The following HMCN1 variants were observed in gnomAD, a reference collection of about 807,000 sequenced individuals.
The protein encoded by HMCN1 is hemicentin 1, also known as hemicentin-1.
In HMCN1, 321 loss-of-function variants were observed where a neutral mutation model predicts 625.9. The observed-to-expected ratio is 0.51, with a 90% CI of 0.47 to 0.56. The LOEUF (loss-of-function observed/expected upper bound fraction) is 0.56, where lower values mean the gene tolerates loss of function less well. Among genes scored for constraint, HMCN1 ranks in the 20% least tolerant of loss-of-function variants. HMCN1 has a pLI of 0.00. For synonymous variants in HMCN1, 2,425 were observed against 2,417.6 expected, an observed-to-expected ratio of 1.00 and a Z score of -0.09; for missense variants, 6,588 against 6,887.3, an observed-to-expected ratio of 0.96 and a Z score of 1.54.
chr1:185,986,404 TG>T (rs1290558064), intron 19 of HMCN1, among the ~76,000 whole-genome samples: 1 of 152,132 alleles, frequency 6.6e-6, no homozygotes, highest in Non-Finnish European at 1.5e-5. Context: ...TTCCAGAGGA[TG>T]GAAAGGAAAC....
chr1:186,011,770 T>A (rs1383945643), intron 30 of HMCN1, among the ~76,000 whole-genome samples: 2 of 152,198 alleles, frequency 1.3e-5, no homozygotes, highest in Admixed American at 1.3e-4. Flanking sequence ...AACAACACAA[T>A]GACTACCATG....
chr1:185,818,198 T>C (rs915801136), intron 1 of HMCN1, among the ~76,000 whole-genome samples: 10 of 152,186 alleles, frequency 6.6e-5, no homozygotes, highest in Admixed American at 3.3e-4. Flanking sequence ...AAATCAATCA[T>C]TCCAAGCCTC....
chr1:185,980,751 C>G (rs971966416), intron 16 of HMCN1, among the ~76,000 whole-genome samples: 5 of 152,170 alleles, frequency 3.3e-5, no homozygotes, highest in African/African-American at 1.2e-4. Flanking sequence ...AATCCTTCTC[C>G]AATTGCCTTT....
At chr1:185,784,495 C>T (rs183233340) in intron 1 of HMCN1, among the ~76,000 whole-genome samples, 61 of 152,170 alleles carry the variant, frequency 4.0e-4, no homozygotes, top group Middle Eastern at 3.4e-3. Flanking sequence ...ATCTTGGAAC[C>T]GCCCCCACTT....
intron 81 of HMCN1, 103 bp from the exon 82 acceptor site, chr1:186,125,501 C>A: frequency 3.5e-6 from 3 of 848,562 alleles, no homozygotes; most frequent in African/African-American, 3.4e-5. Flanking sequence ...GTATTTCTAG[C>A]AAAATTACCC....
chr1:186,147,656 C>T (rs1199177371), intron 93 of HMCN1, among the ~76,000 whole-genome samples: 1 of 152,130 alleles, frequency 6.6e-6, no homozygotes, highest in Non-Finnish European at 1.5e-5. Flanking sequence ...AATATTGCAA[C>T]AGAGCAAGGC....
chr1:186,050,994 G>T (rs547253000), intron 42 of HMCN1, among the ~76,000 whole-genome samples: 6 of 152,098 alleles, frequency 3.9e-5, no homozygotes, highest in Admixed American at 3.3e-4. Flanking sequence ...GGATGAATAG[G>T]CATTAACTCT....
At chr1:186,146,525 G>A (rs944184803) in intron 93 of HMCN1, among the ~76,000 whole-genome samples, 1 of 152,090 alleles carries the variant, frequency 6.6e-6, no homozygotes, top group Non-Finnish European at 1.5e-5. Context: ...AACAATAACG[G>A]TTTTATATTG....
chr1:185,888,916 C>T lies in HMCN1; in HGVS notation c.622-20421C>T, dbSNP rs542333565. Among the ~76,000 whole-genome samples, 260 of 147,648 alleles carry T rather than the reference C, an allele frequency of 1.8e-3. 33 individuals are homozygous for T. Among genetic ancestry groups the T allele is most frequent in the African/African-American group, 6.7e-3 (247 of 37,064 alleles). On this transcript the variant is annotated intron_variant, in intron 4 of 106. Coordinates refer to ENST00000271588, the MANE Select transcript of HMCN1 (RefSeq NM_031935.3). ...ACCTTAGGCAGTATGGCCATTTTCA[C>T]GATATTGATTCTTTCTACCCATGAG...
rs1571470342 is a variant in HMCN1 at position 186,178,342 on chromosome 1, T to A, written c.15944-74T>A. The A allele has an allele frequency of 1.7e-5, 18 of 1,080,222 alleles. No individual in the cohort carries two copies. The East Asian group carries it at 4.3e-4, about 26-fold the overall frequency. 66.9% of individuals were successfully genotyped at this position (1,080,222 alleles called of 1,614,324 possible). ...GTCTTCAGTTTGTTTCACAGACTCA[T>A]TCTTTATTCCTGTGTTTTGTGTGTG... On this transcript the variant is annotated intron_variant, in intron 103 of 106. Coordinates refer to ENST00000271588, the MANE Select transcript of HMCN1 (RefSeq NM_031935.3).
At chr1:186,011,032 T>TA (rs556793172) in intron 30 of HMCN1, among the ~76,000 whole-genome samples, 1 of 76 alleles carries the variant, frequency 0.013, no homozygotes, top group Non-Finnish European at 0.024. Context: ...CATCTGCTAC[T>TA]GGTTTTTTTT....
intron 69 of HMCN1, among the ~76,000 whole-genome samples, chr1:186,104,343 C>G (rs937567790): frequency 6.6e-6 from 1 of 152,134 alleles, no homozygotes; most frequent in African/African-American, 2.4e-5. Context: ...ACATGATGTG[C>G]TTAGACTGGT....
chr1:186,124,305 G>A (rs1258480763), intron 81 of HMCN1, among the ~76,000 whole-genome samples: 1 of 151,966 alleles, frequency 6.6e-6, no homozygotes, highest in Non-Finnish European at 1.5e-5. Context: ...GTATTTTTCT[G>A]TTTTCACATT....
At chr1:185,797,382 G>A (rs1183872922) in intron 1 of HMCN1, among the ~76,000 whole-genome samples, 2 of 152,184 alleles carry the variant, frequency 1.3e-5, no homozygotes, top group Admixed American at 1.3e-4. Context: ...TCAGATCAAT[G>A]TAACCTCAAA....
At position 186,144,387 on chromosome 1, in the gene HMCN1, C is replaced by T. The variant is rs576602691; in HGVS notation, c.14095+44C>T. On this transcript the variant is annotated intron_variant, in intron 90 of 106. Transcript: ENST00000271588. ...TTATACCTTAATAAATTAACATCTA[C>T]CTATCTTATCTAGGTAGTATGTCAA... The T allele has an allele frequency of 1.9e-6, 3 of 1,603,332 alleles. No homozygotes were observed. In the African/African-American group the frequency reaches 4.0e-5, roughly 21 times the overall value.
rs531189023 is a variant in HMCN1 at position 186,162,039 on chromosome 1, A to G, written c.15257-3072A>G. Reference sequence around the variant, plus strand: ...TTTCCAACTTGGTTCCCTTCTCCCCATCACTTTCAGGTACACCAATCAGAC... The same window carrying G: ...TTTCCAACTTGGTTCCCTTCTCCCCGTCACTTTCAGGTACACCAATCAGAC... On this transcript the variant is annotated intron_variant, in intron 97 of 106. Coordinates refer to ENST00000271588, the MANE Select transcript of HMCN1 (RefSeq NM_031935.3). Among the ~76,000 whole-genome samples, 8 of 152,278 alleles carry G rather than the reference A, an allele frequency of 5.3e-5. No individual in the cohort carries two copies. In the South Asian group the frequency reaches 1.0e-3, roughly 20 times the overall value.
intron 97 of HMCN1, among the ~76,000 whole-genome samples, chr1:186,156,108 AAAATC>A (rs1651001649): frequency 6.6e-6 from 1 of 152,144 alleles, no homozygotes; most frequent in Non-Finnish European, 1.5e-5. Context: ...TTATATCTTT[AAAATC>A]TAACTTATTT....
In HMCN1 at chr1:186,086,214, T is replaced by G. The variant is rs753356749; in HGVS notation, c.8885-32T>G. The G allele has an allele frequency of 3.2e-6, 5 of 1,578,218 alleles. No individual in the cohort carries two copies. In the East Asian group the frequency reaches 9.0e-5, roughly 28 times the overall value. ...AATGGGAATATATGTTGATAACACC[T>G]GCTTTCACTTTTAATATATTTACTA... On this transcript the variant is annotated intron_variant, in intron 57 of 106. Coordinates refer to ENST00000271588, the MANE Select transcript of HMCN1 (RefSeq NM_031935.3).
Position 185,823,272 on chromosome 1 carries a change from G to C in HMCN1, c.269-22754G>C, listed in dbSNP as rs77719074. ...GCGTTCTTGAGAAAGATCATTTTCT[G>C]GAAAAAGATAGTTCTTTTTCATAAT... On this transcript the variant is annotated intron_variant, in intron 1 of 106. Transcript: ENST00000271588. 6.9e-4 allele frequency among the ~76,000 whole-genome samples: 105 copies of C among 151,994 alleles called. 3 individuals carry two copies. In the East Asian group the frequency reaches 0.019, roughly 28 times the overall value.
Sources: allele counts gnomAD v4.1 joint callset (sites outside exome capture counted in the v4.1 genomes callset), GRCh38; gene constraint gnomAD v4.1.1; transcripts MANE v1.5; gene names NCBI Gene and HGNC (gene_info 2026-07-23, HGNC 2026-07-21).